SBF2: variants seen among roughly 807,000 people sequenced by gnomAD.
SBF2 encodes SET binding factor 2, also known as myotubularin-related protein 13.
SBF2 carries 112 observed loss-of-function variants against 225.2 expected under a neutral mutation model. That is an observed-to-expected ratio of 0.50 (90% confidence interval 0.43 to 0.58). The LOEUF is 0.58. SBF2 is among the 20% of genes least tolerant of loss of function. The probability of loss-of-function intolerance (pLI) is 0.00; values close to 1 mark genes in which losing one functional copy is unlikely to be tolerated. For missense variants in SBF2, 1,996 were observed against 2,206.2 expected (o/e 0.90, Z 1.91); for synonymous variants, 763 against 773.3 (o/e 0.99, Z 0.22).
chr11:9,934,330 A>C (rs1012521628), intron 16 of SBF2, among the ~76,000 whole-genome samples: 1 of 152,146 alleles, frequency 6.6e-6, no homozygotes, highest in African/African-American at 2.4e-5. Context: ...CCAACAACAA[A>C]AAAAGTCCAG....
chr11:9,994,124 G>A (rs916282326), intron 9 of SBF2, 126 bp from the exon 10 acceptor site: 4 of 781,626 alleles, frequency 5.1e-6, no homozygotes, highest in Admixed American at 4.2e-5. Context: ...AATTCAATTA[G>A]CTGGGGTAGT....
intron 1 of SBF2, among the ~76,000 whole-genome samples, chr11:10,284,040 A>G (rs911063429): frequency 3.3e-5 from 5 of 152,246 alleles, no homozygotes; most frequent in Non-Finnish European, 7.3e-5. Context: ...GCTTTTAAAA[A>G]GATAGTAAGG....
chr11:9,967,426 A>C (rs914565303), intron 14 of SBF2, among the ~76,000 whole-genome samples: 1 of 152,154 alleles, frequency 6.6e-6, no homozygotes, highest in Admixed American at 6.5e-5. Flanking sequence ...ATAGACGTAC[A>C]TTGGAAATAT....
At chr11:10,215,797 A>AT (rs1958107259) in intron 1 of SBF2, among the ~76,000 whole-genome samples, 1 of 152,196 alleles carries the variant, frequency 6.6e-6, no homozygotes, top group Non-Finnish European at 1.5e-5. Context: ...AAGTACCAGA[A>AT]TTTATATAAC....
At chr11:10,228,614 G>A (rs1173951609) in intron 1 of SBF2, among the ~76,000 whole-genome samples, 1 of 152,152 alleles carries the variant, frequency 6.6e-6, no homozygotes, top group Non-Finnish European at 1.5e-5. Context: ...TTATATGCTG[G>A]ATTACATTTA....
At chr11:10,296,937 G>A (rs1964554807), upstream of SBF2, among the ~76,000 whole-genome samples, 1 of 152,070 alleles carries the variant, frequency 6.6e-6, no homozygotes, top group African/African-American at 2.4e-5. Flanking sequence ...GTCCTGTTTT[G>A]CCTTTCCCTA....
At position 9,853,543 on chromosome 11, in the gene SBF2, G is replaced by C; in HGVS notation, c.2533C>G (p.Pro845Ala). The change falls in exon 20 of 40, where the codon CCA (proline) becomes GCA (alanine). Residue 845 changes from proline to alanine, a missense_variant. Pro to Ala is a conservative substitution (Grantham distance 27, BLOSUM62 -1). Transcript: ENST00000256190. ...DHIKSLHCMI[P>A]GIVAMHIETL... ...CTAATATCTGCAGAGTGATTACCTG[G>C]TATCATGCAATGAAGGCTCTTGATG... 2 of 1,612,942 alleles carry C rather than the reference G, an allele frequency of 1.2e-6. No individual in the cohort carries two copies. The highest frequency in any genetic ancestry group is 1.7e-6 in the Non-Finnish European group (2 of 1,179,024).
At chr11:9,912,578 G>A (rs949807183) in intron 16 of SBF2, among the ~76,000 whole-genome samples, 21 of 152,134 alleles carry the variant, frequency 1.4e-4, no homozygotes, top group South Asian at 4.2e-4. Context: ...GCAAGACTCC[G>A]TCTCAAAAGA....
At chr11:10,179,851 C>T (rs1956660836) in intron 2 of SBF2, among the ~76,000 whole-genome samples, 1 of 151,782 alleles carries the variant, frequency 6.6e-6, no homozygotes, top group African/African-American at 2.4e-5. Context: ...TATTTTTACC[C>T]CCTTTTGTTT....
At chr11:10,048,661 A>G (rs1949959090) in intron 2 of SBF2, among the ~76,000 whole-genome samples, 1 of 152,228 alleles carries the variant, frequency 6.6e-6, no homozygotes, top group African/African-American at 2.4e-5. Context: ...ATGATAAAAT[A>G]TGAGCTTTCA....
chr11:10,102,134 G>A (rs1186379098), intron 2 of SBF2, among the ~76,000 whole-genome samples: 1 of 152,162 alleles, frequency 6.6e-6, no homozygotes, highest in Admixed American at 6.5e-5. Flanking sequence ...TCTAAATTAA[G>A]GTCAGGTATC....
chr11:10,172,339 ATTGT>A (rs1467370240), intron 2 of SBF2, among the ~76,000 whole-genome samples: 4 of 151,412 alleles, frequency 2.6e-5, no homozygotes, highest in Non-Finnish European at 2.9e-5. Context: ...TGTTTTCATT[ATTGT>A]TTGTTTCAAA....
chr11:10,145,155 C>T (rs1002792635), intron 2 of SBF2, among the ~76,000 whole-genome samples: 1 of 152,166 alleles, frequency 6.6e-6, no homozygotes, highest in African/African-American at 2.4e-5. Flanking sequence ...GAAGATGATG[C>T]AACAGTTTGA....
At chr11:9,976,359 A>T (rs986368740) in intron 13 of SBF2, among the ~76,000 whole-genome samples, 2 of 152,180 alleles carry the variant, frequency 1.3e-5, no homozygotes, top group African/African-American at 4.8e-5. Flanking sequence ...GGCGTGAGCC[A>T]CTGCGCCTGG....
At chr11:9,949,171 TG>T (rs1865722737) in intron 16 of SBF2, among the ~76,000 whole-genome samples, 1 of 152,310 alleles carries the variant, frequency 6.6e-6, no homozygotes, top group African/African-American at 2.4e-5. Context: ...ACTTTTTAGT[TG>T]TTTTTTGCTG....
intron 2 of SBF2, among the ~76,000 whole-genome samples, chr11:10,062,955 C>T (rs1363550085): frequency 1.3e-5 from 2 of 152,050 alleles, no homozygotes; most frequent in Non-Finnish European, 2.9e-5. Context: ...TCATCAATGA[C>T]AGACAGGATA....
rs534042059 is a variant in SBF2 at position 9,904,842 on chromosome 11, G to C, written c.1861-8831C>G. 7.2e-5 allele frequency among the ~76,000 whole-genome samples: 11 copies of C among 152,266 alleles called. No homozygotes were observed. The South Asian group carries it at 1.0e-3, about 14-fold the overall frequency. On this transcript the variant is annotated intron_variant, in intron 16 of 39. Transcript: ENST00000256190. ...GAGTTCAAGACCAGCCTGAGTGATA[G>C]TAAGAGCTCATCTCTACAAATTATT...
intron 1 of SBF2, among the ~76,000 whole-genome samples, chr11:10,215,572 G>A (rs1312073374): frequency 2.0e-5 from 3 of 152,024 alleles, no homozygotes; most frequent in African/African-American, 7.3e-5. Flanking sequence ...GCTGTGAGCC[G>A]TGACCGTACC....
chr11:9,877,601 G>C (rs1455948858), intron 17 of SBF2, among the ~76,000 whole-genome samples: 3 of 152,010 alleles, frequency 2.0e-5, no homozygotes, highest in African/African-American at 4.8e-5. Context: ...CTGTGTCCAA[G>C]TGTTTTCACT....
Sources: allele counts gnomAD v4.1 joint callset (sites outside exome capture counted in the v4.1 genomes callset), GRCh38; gene constraint gnomAD v4.1.1; transcripts MANE v1.5; gene names NCBI Gene and HGNC (gene_info 2026-07-23, HGNC 2026-07-21).